Variants in NUDCD1 observed in about 807,000 individuals in gnomAD.
The protein encoded by NUDCD1 is NudC domain containing 1.
NUDCD1 carries 60 observed loss-of-function variants against 67.8 expected under a neutral mutation model. That is an observed-to-expected ratio of 0.88 (90% confidence interval 0.72 to 1.10). NUDCD1 has a LOEUF of 1.10. Ranked by LOEUF, NUDCD1 falls within the 50% of genes least tolerant of loss-of-function variation. The pLI is 0.00. For missense variants in NUDCD1, 643 were observed against 695.0 expected (o/e 0.93, Z 0.84); for synonymous variants, 244 against 230.8 (o/e 1.06, Z -0.52).
At chr8:109,285,987 T>C (rs1317899609) in intron 5 of NUDCD1, among the ~76,000 whole-genome samples, 1 of 152,032 alleles carries the variant, frequency 6.6e-6, no homozygotes, top group Non-Finnish European at 1.5e-5. Flanking sequence ...ATCAGTAGCA[T>C]TTCTACAAAC....
intron 2 of NUDCD1, among the ~76,000 whole-genome samples, chr8:109,310,110 G>T (rs905234191): frequency 6.6e-6 from 1 of 151,864 alleles, no homozygotes. Flanking sequence ...ATTCTTCACA[G>T]AATTAGAAAA....
intron 8 of NUDCD1, among the ~76,000 whole-genome samples, chr8:109,251,461 G>A (rs559311336): frequency 4.6e-5 from 7 of 152,110 alleles, no homozygotes; most frequent in East Asian, 1.9e-4. Context: ...ATGAGCCACC[G>A]TGTCTGGCCA....
At chr8:109,303,584 T>C (rs1815038044) in intron 2 of NUDCD1, among the ~76,000 whole-genome samples, 1 of 152,170 alleles carries the variant, frequency 6.6e-6, no homozygotes, top group Non-Finnish European at 1.5e-5. Context: ...ACATTTTAAC[T>C]AAATTATCTG....
intron 6 of NUDCD1, among the ~76,000 whole-genome samples, chr8:109,276,232 G>C (rs1814283879): frequency 1.3e-5 from 2 of 152,166 alleles, no homozygotes. Context: ...AAAGAGAGCA[G>C]AGTCAAGGCA....
chr8:109,291,615 A>C (rs1372009329), intron 4 of NUDCD1, among the ~76,000 whole-genome samples: 1 of 152,124 alleles, frequency 6.6e-6, no homozygotes, highest in East Asian at 1.9e-4. Flanking sequence ...AAAAAGAAGA[A>C]AAAAACCAAT....
At chr8:109,247,634 T>C (rs1813528954) in intron 8 of NUDCD1, among the ~76,000 whole-genome samples, 1 of 152,194 alleles carries the variant, frequency 6.6e-6, no homozygotes, top group South Asian at 2.1e-4. Context: ...TTCATACAGC[T>C]TGTCTTTGCC....
At chr8:109,324,896 C>T (rs1158667086) in intron 1 of NUDCD1, among the ~76,000 whole-genome samples, 2 of 152,086 alleles carry the variant, frequency 1.3e-5, no homozygotes, top group South Asian at 2.1e-4. Context: ...ACCATCCTGG[C>T]CAACATGATG....
chr8:109,280,702 A>G (rs1473487704), intron 6 of NUDCD1, among the ~76,000 whole-genome samples: 1 of 152,206 alleles, frequency 6.6e-6, no homozygotes, highest in Non-Finnish European at 1.5e-5. Context: ...TAAAATAGCC[A>G]TTTTCACCTA....
At chr8:109,294,837 C>A (rs1814803634) in intron 3 of NUDCD1, among the ~76,000 whole-genome samples, 1 of 151,940 alleles carries the variant, frequency 6.6e-6, no homozygotes, top group South Asian at 2.1e-4. Context: ...TACCCCCCAC[C>A]ATGCTCCGTA....
intron 2 of NUDCD1, chr8:109,315,611 T>C (rs1472471246): frequency 6.6e-6 from 1 of 152,102 alleles, no homozygotes; most frequent in Non-Finnish European, 1.5e-5. Context: ...CCATGTCCCC[T>C]ACTGATCAAG....
At chr8:109,299,125 C>T (rs570437129) in intron 2 of NUDCD1, among the ~76,000 whole-genome samples, 1 of 152,308 alleles carries the variant, frequency 6.6e-6, no homozygotes, top group South Asian at 2.1e-4. Context: ...CCCTAACAAA[C>T]CATTTCTGCC....
chr8:109,286,272 A>G (rs1367431651), intron 5 of NUDCD1, among the ~76,000 whole-genome samples: 15 of 152,120 alleles, frequency 9.9e-5, no homozygotes, highest in Admixed American at 9.8e-4. Flanking sequence ...TCAAACTACC[A>G]ATGTCATTTT....
intron 4 of NUDCD1, 121 bp downstream of exon 4, chr8:109,293,223 G>A (rs1814750238): frequency 1.9e-6 from 1 of 518,724 alleles, no homozygotes; most frequent in South Asian, 4.1e-5. Flanking sequence ...GTGGTGGCAG[G>A]TGCCAGAATT....
chr8:109,317,310 G>T (rs1481447754), intron 2 of NUDCD1, among the ~76,000 whole-genome samples: 4 of 152,174 alleles, frequency 2.6e-5, no homozygotes, highest in Middle Eastern at 3.4e-3. Context: ...GAGCCTAGGG[G>T]TTCAAAACCA....
intron 2 of NUDCD1, among the ~76,000 whole-genome samples, chr8:109,307,576 A>G (rs888809801): frequency 1.3e-5 from 2 of 152,208 alleles, no homozygotes; most frequent in African/African-American, 4.8e-5. Context: ...ACAAAAATAC[A>G]ATTAAAAAAA....
At chr8:109,273,548 CAT>C (rs1814208748) in intron 7 of NUDCD1, among the ~76,000 whole-genome samples, 1 of 151,708 alleles carries the variant, frequency 6.6e-6, no homozygotes, top group Admixed American at 6.6e-5. Context: ...AAAGGAAGAA[CAT>C]AATAAATTTA....
chr8:109,291,824 A>G (rs1467466089), intron 4 of NUDCD1, among the ~76,000 whole-genome samples: 1 of 152,154 alleles, frequency 6.6e-6, no homozygotes, highest in East Asian at 1.9e-4. Context: ...CTATGTTCTG[A>G]GGCAATTTGA....
Position 109,333,925 on chromosome 8 carries a change from G to A in NUDCD1, c.86C>T (p.Pro29Leu), listed in dbSNP as rs1403862345. 7 of 1,614,166 alleles carry A rather than the reference G, an allele frequency of 4.3e-6. No individual in the cohort carries two copies. Among genetic ancestry groups the A allele is most frequent in the Admixed American group, 1.7e-5 (1 of 60,030 alleles). Residue 29 changes from proline to leucine, a missense_variant, in exon 1 of 10, where the codon CCG (proline) becomes CTG (leucine). Transcript: ENST00000239690. ...RFEGYKLSLE[P>L]LPCYQLELDA... ...AAGCTCCAGCTGGTAACAAGGCAGC[G>A]GCTCAAGAGAGAGCTTGTAACCCTC...
At chr8:109,306,863 T>A (rs1341126917) in intron 2 of NUDCD1, among the ~76,000 whole-genome samples, 1 of 152,078 alleles carries the variant, frequency 6.6e-6, no homozygotes, top group African/African-American at 2.4e-5. Flanking sequence ...AAATCTTTCC[T>A]CAGTTTAATC....
Sources: allele counts gnomAD v4.1 joint callset (sites outside exome capture counted in the v4.1 genomes callset), GRCh38; gene constraint gnomAD v4.1.1; transcripts MANE v1.5; gene names NCBI Gene and HGNC (gene_info 2026-07-23, HGNC 2026-07-21).